The following KIR3DL3 variants were observed in gnomAD, a reference collection of about 807,000 sequenced individuals.
KIR3DL3 encodes the protein killer cell immunoglobulin-like receptor 3DL3.
KIR3DL3 carries 27 observed loss-of-function variants against 34.9 expected under a neutral mutation model. The ratio of observed to expected loss-of-function variants is 0.77; its 90% CI spans 0.57 to 1.07. The LOEUF is 1.07. Among genes scored for constraint, KIR3DL3 ranks in the 50% least tolerant of loss-of-function variants. The pLI, the probability that KIR3DL3 is intolerant of heterozygous loss-of-function variation, is 0.00. For synonymous variants in KIR3DL3, 217 were observed against 200.2 expected, an observed-to-expected ratio of 1.08 and a Z score of -0.71; for missense variants, 681 against 528.5, an observed-to-expected ratio of 1.29 and a Z score of -2.83.
chr19:54,728,899 G>C (rs2068484784), intron 4 of KIR3DL3, among the ~76,000 whole-genome samples: 1 of 149,348 alleles, frequency 6.7e-6, no homozygotes, highest in Non-Finnish European at 1.5e-5. Context: ...ATAATAGAGA[G>C]ACAGGTGATA....
In KIR3DL3 at chr19:54,729,794, A is replaced by G. The variant is rs2068615946; in HGVS notation, c.949+8A>G. The G allele has an allele frequency of 1.3e-6, 2 of 1,593,852 alleles. No homozygotes were observed. Reference sequence around the variant, plus strand: ...TGCCCGTTTCTGTCACAGGTGAGAAAACACCATGCCTGTCCCATGTCTTGT... The same window carrying G: ...TGCCCGTTTCTGTCACAGGTGAGAAGACACCATGCCTGTCCCATGTCTTGT... On this transcript the variant is annotated splice_region_variant and intron_variant, in intron 5 of 7. Coordinates refer to ENST00000291860, the MANE Select transcript of KIR3DL3 (RefSeq NM_153443.5).
At chr19:54,735,203 T>C (rs368837758) in intron 5 of KIR3DL3, 50 bp from the exon 6 acceptor site, 3 of 1,238,378 alleles carry the variant, frequency 2.4e-6, no homozygotes, top group East Asian at 4.8e-5. Flanking sequence ...ACAATTCATA[T>C]AGAGGAACTG....
intron 5 of KIR3DL3, among the ~76,000 whole-genome samples, chr19:54,732,074 C>T (rs1166834549): frequency 1.3e-5 from 2 of 152,170 alleles, no homozygotes; most frequent in Non-Finnish European, 2.9e-5. Context: ...GCAGCATTCT[C>T]CTGCCTTCCA....
At chr19:54,726,826 T>G (rs1179450486) in intron 3 of KIR3DL3, among the ~76,000 whole-genome samples, 1 of 128,396 alleles carries the variant, frequency 7.8e-6, no homozygotes, top group African/African-American at 2.8e-5. Flanking sequence ...TCCCTGAGTC[T>G]CCAGAGGAAA....
rs1600189458 is a variant in KIR3DL3 at position 54,729,354 on chromosome 19, A to T, written c.656-139A>T. 6 of 1,007,350 alleles carry T rather than the reference A, an allele frequency of 6.0e-6. No individual in the cohort carries two copies. The East Asian group carries it at 1.5e-4, about 25-fold the overall frequency. 62.4% of individuals were successfully genotyped at this position (1,007,350 alleles called of 1,614,324 possible). On this transcript the variant is annotated intron_variant, in intron 4 of 7. Coordinates refer to ENST00000291860, the MANE Select transcript of KIR3DL3 (RefSeq NM_153443.5). ...AAGGTGGAAGGAGGAAATAGACATG[A>T]AGAGAGATGGGGGTGGAGGGTGAGA...
At chr19:54,734,913 A>G (rs2069292181) in intron 5 of KIR3DL3, among the ~76,000 whole-genome samples, 1 of 141,336 alleles carries the variant, frequency 7.1e-6, no homozygotes, top group Non-Finnish European at 1.5e-5. Flanking sequence ...TAGAGGGGGA[A>G]CTTGCTAACC....
At chr19:54,735,553 C>T (rs374846912) in intron 6 of KIR3DL3, among the ~76,000 whole-genome samples, 196 bp downstream of exon 6, 1,493 of 125,760 alleles carry the variant, frequency 0.012, 20 homozygotes, top group Middle Eastern at 0.041. Context: ...GATTCTGAAC[C>T]GTATCCTCAC....
intron 2 of KIR3DL3, 102 bp downstream of exon 2, chr19:54,725,384 A>T: frequency 1.1e-6 from 1 of 880,620 alleles, no homozygotes; most frequent in Non-Finnish European, 1.7e-6. Flanking sequence ...TGGGCTGACC[A>T]TGGGAAGCCA....
chr19:54,728,745 G>A (rs2068469166), intron 4 of KIR3DL3, among the ~76,000 whole-genome samples: 1 of 150,646 alleles, frequency 6.6e-6, no homozygotes, highest in South Asian at 2.1e-4. Flanking sequence ...GACAGGGAAA[G>A]ATAAAGATGT....
At position 54,726,322 on chromosome 19, in the gene KIR3DL3, G is replaced by A. The variant is rs2068178457; in HGVS notation, c.340G>A (p.Val114Met). 6.2e-7 allele frequency: 1 copy of A among 1,613,412 alleles called. No homozygotes were observed. Among genetic ancestry groups the A allele is most frequent in the African/African-American group, 1.3e-5 (1 of 74,760 alleles). The change falls in exon 3 of 8, where the codon GTG becomes ATG. Residue 114 changes from valine (V) to methionine (M), a missense_variant. Transcript: ENST00000291860. ...TGWSAPSNPVVIMVTGVHRKP... is the reference protein window; with the variant it reads ...TGWSAPSNPVMIMVTGVHRKP... Reference sequence around the variant, plus strand: ...GTGGTCGGCACCCAGCAACCCTGTGGTGATCATGGTCACAGGTCAGAGGCT... The same window carrying A: ...GTGGTCGGCACCCAGCAACCCTGTGATGATCATGGTCACAGGTCAGAGGCT...
intron 5 of KIR3DL3, among the ~76,000 whole-genome samples, chr19:54,732,680 C>T (rs1162471653): frequency 8.5e-5 from 13 of 152,282 alleles, no homozygotes; most frequent in Middle Eastern, 3.4e-3. Context: ...GGAAGATTGG[C>T]GGAAGGATTT....
intron 5 of KIR3DL3, 80 bp downstream of exon 5, chr19:54,729,866 A>C: frequency 7.2e-7 from 1 of 1,388,410 alleles, no homozygotes; most frequent in South Asian, 1.4e-5. Context: ...GATGGAGAGA[A>C]GCATGGACAG....
chr19:54,735,770 G>T, intron 6 of KIR3DL3, 50 bp from the exon 7 acceptor site: 1 of 1,602,936 alleles, frequency 6.2e-7, no homozygotes. Context: ...TATGAAATGA[G>T]GACCCAGAAG....
In KIR3DL3 at chr19:54,727,798, C is replaced by T. The variant is rs1379903800; in HGVS notation, c.543C>T (p.Ser181=). The T allele has an allele frequency of 1.9e-6, 3 of 1,613,846 alleles. No individual in the cohort carries two copies. Among genetic ancestry groups the T allele is most frequent in the South Asian group, 2.2e-5 (2 of 91,082 alleles). ...ATGCGGGTTCCCAGGTCAACTATTC[C>T]ATGGGTCCCATGACACCTGCCCTTG... ...LHDAGSQVNY[S]MGPMTPALAG... The change falls in exon 4 of 8, where the codon TCC becomes TCT. Residue 181 remains serine (S), a synonymous_variant. Transcript: ENST00000291860.
rs1171713380 is a variant in KIR3DL3, at chr19:54,734,825, C to T, written c.950-428C>T. On this transcript the variant is annotated intron_variant, in intron 5 of 7. Transcript: ENST00000291860. ...CTGTGCAGAGACCACAGAGATCACA[C>T]GGCAAGAGAGGGACCAAGGGGGAGG... Among the ~76,000 whole-genome samples the T allele has an allele frequency of 5.7e-5, 8 of 141,048 alleles. 1 individual carries two copies. Among genetic ancestry groups the T allele is most frequent in the East Asian group, 3.9e-4 (2 of 5,108 alleles). The allele number at this position is 141,048 out of a possible 152,430, so 92.5% of individuals were successfully genotyped here. A position where few individuals can be genotyped will look rare whatever the true frequency, so the allele number is the denominator to read the frequency against.
chr19:54,726,460 C>A, intron 3 of KIR3DL3, 123 bp downstream of exon 3: 1 of 1,249,276 alleles, frequency 8.0e-7, no homozygotes, highest in Non-Finnish European at 1.1e-6. Context: ...AAGGGGGATT[C>A]AGTACAGAGA....
At chr19:54,729,323 A>G (rs1260267554) in intron 4 of KIR3DL3, among the ~76,000 whole-genome samples, 170 bp from the exon 5 acceptor site, 145 of 152,110 alleles carry the variant, frequency 9.5e-4, no homozygotes, top group African/African-American at 3.3e-3. Context: ...ACCTAGAGAG[A>G]CAGAGAAGGT....
intron 3 of KIR3DL3, 86 bp from the exon 4 acceptor site, chr19:54,727,525 A>G: frequency 7.8e-7 from 1 of 1,274,312 alleles, no homozygotes; most frequent in Non-Finnish European, 1.1e-6. Context: ...GATAGACACC[A>G]TGGAGGGGAA....
chr19:54,734,934 G>A (rs1267661475), intron 5 of KIR3DL3, among the ~76,000 whole-genome samples: 1,179 of 113,354 alleles, frequency 0.01, no homozygotes, highest in South Asian at 0.027. Flanking sequence ...CCGTCTCCTT[G>A]GAACAGCATT....
Sources: gnomAD v4.1 joint callset for allele counts (sites outside exome capture counted in the v4.1 genomes callset) on GRCh38, gnomAD v4.1.1 for gene constraint, MANE v1.5 for transcripts, NCBI Gene and HGNC (gene_info 2026-07-23, HGNC 2026-07-21) for gene names.